The following DDHD2 variants were observed in gnomAD, a reference collection of about 807,000 sequenced individuals.
DDHD2 encodes the protein DDHD domain containing 2.
Under a neutral mutation model 91.2 loss-of-function variants are expected in DDHD2, and 62 were observed. The ratio of observed to expected loss-of-function variants is 0.68; its 90% confidence interval spans 0.55 to 0.84. The LOEUF (loss-of-function observed/expected upper bound fraction) is 0.84, where lower values mean the gene tolerates loss of function less well. DDHD2 is among the 40% of genes least tolerant of loss of function. The pLI is 0.00. For missense variants in DDHD2, 740 were observed against 846.9 expected (o/e 0.87, Z 1.57); for synonymous variants, 271 against 293.9 (o/e 0.92, Z 0.80).
rs1014506951 is a variant in DDHD2 at position 38,260,653 on chromosome 8, T to G, written c.*80T>G. On this transcript the variant is annotated 3_prime_UTR_variant, in exon 18 of 18. Coordinates refer to ENST00000397166, the MANE Select transcript of DDHD2 (RefSeq NM_015214.3). ...AATCCACCTGTTTGTTGCTGCAATT[T>G]TCCTCTCCTCAGCTGCGTCATTTCC... 4 of 153,416 alleles carry G rather than the reference T, an allele frequency of 2.6e-5. No homozygotes were observed. The highest frequency in any genetic ancestry group is 9.7e-5 in the African/African-American group (4 of 41,450). 9.5% of individuals were successfully genotyped at this position (153,416 alleles called of 1,614,324 possible). A position where few individuals can be genotyped will look rare whatever the true frequency, so the allele number is the denominator to read the frequency against.
At chr8:38,263,665 G>A (rs1035554048), downstream of DDHD2, 13 of 985,370 alleles carry the variant, frequency 1.3e-5, no homozygotes, top group African/African-American at 2.3e-4. Context: ...TTTAAGGCTT[G>A]ATGGAATTGT....
At chr8:38,247,972 G>T (rs1805777318) in intron 10 of DDHD2, 137 bp downstream of exon 10, 1 of 689,074 alleles carries the variant, frequency 1.5e-6, no homozygotes, top group African/African-American at 1.9e-5. Flanking sequence ...TTATTTATTT[G>T]CTTTTTATCA....
In DDHD2 at chr8:38,240,261, A is replaced by T; in HGVS notation, c.623-14A>T. 1.3e-6 allele frequency: 2 copies of T among 1,547,886 alleles called. No homozygotes were observed. The highest frequency in any genetic ancestry group is 8.9e-7 in the Non-Finnish European group (1 of 1,124,146). The stretch of plus-strand genomic sequence containing the variant: ...AATTATACAGAATAATTTTCTTTTT[A>T]ATTTCATTTATAGGAGAACCTTTAC... On this transcript the variant is annotated splice_polypyrimidine_tract_variant and intron_variant, in intron 5 of 17. Coordinates refer to ENST00000397166, the MANE Select transcript of DDHD2 (RefSeq NM_015214.3).
At chr8:38,272,718 A>G (rs1203965907), downstream of DDHD2, 1 of 152,250 alleles carries the variant, frequency 6.6e-6, no homozygotes, top group Non-Finnish European at 1.5e-5. Context: ...ATTGTTGGAC[A>G]AGAATAAAAA....
intron 3 of DDHD2, 84 bp from the exon 4 acceptor site, chr8:38,237,454 A>G: frequency 1.5e-6 from 1 of 658,670 alleles, no homozygotes; most frequent in South Asian, 1.7e-5. Flanking sequence ...ATTGAAACTC[A>G]TTAATACATA....
At chr8:38,270,443 A>C (rs1467164071) in intron 1 of DDHD2, 1 of 152,244 alleles carries the variant, frequency 6.6e-6, no homozygotes, top group Non-Finnish European at 1.5e-5. Context: ...CCTTGTATAT[A>C]AAAAATGATA....
At chr8:38,270,864 A>C (rs1029291956) in intron 1 of DDHD2, 1 of 152,262 alleles carries the variant, frequency 6.6e-6, no homozygotes, top group African/African-American at 2.4e-5. Context: ...CGCTTCATAC[A>C]TACGTGCCAC....
At chr8:38,234,294 C>T (rs911185803) in intron 2 of DDHD2, 100 bp from the exon 3 acceptor site, 5 of 857,756 alleles carry the variant, frequency 5.8e-6, no homozygotes, top group African/African-American at 1.8e-5. Context: ...ACTTTTCATT[C>T]ATGTGTTTCA....
chr8:38,234,994 A>AT lies in DDHD2; in HGVS notation c.411+418dup, dbSNP rs553707608. On this transcript the variant is annotated intron_variant, in intron 3 of 17. Coordinates refer to ENST00000397166, the MANE Select transcript of DDHD2 (RefSeq NM_015214.3). The stretch of plus-strand genomic sequence containing the variant: ...AAAAGAACAAAACTGTTTGGGTAGT[A>AT]TTTTTTTTCATGTTTCATTAAAATC... Among the ~76,000 whole-genome samples the AT allele has an allele frequency of 4.3e-3, 646 of 151,608 alleles. 2 individuals carry two copies. The highest frequency in any genetic ancestry group is 0.014 in the African/African-American group (562 of 41,288).
downstream of DDHD2, chr8:38,272,321 A>G (rs1808501310): frequency 6.6e-6 from 1 of 152,052 alleles, no homozygotes; most frequent in Non-Finnish European, 1.5e-5. Context: ...TTTGAGAATT[A>G]AGATAAGAGT....
chr8:38,267,093 T>C, downstream of DDHD2: 1 of 1,461,890 alleles, frequency 6.8e-7, no homozygotes, highest in South Asian at 1.5e-5. Flanking sequence ...TTCTGTAATA[T>C]TTACCCAAAT....
chr8:38,253,418 G>A, intron 15 of DDHD2, 138 bp from the exon 16 acceptor site: 2 of 827,118 alleles, frequency 2.4e-6, no homozygotes, highest in South Asian at 3.7e-5. Flanking sequence ...AGGAGATTGA[G>A]AGGAGGAAGA....
chr8:38,268,377 AG>A, intron 1 of DDHD2: 1 of 1,566,932 alleles, frequency 6.4e-7, no homozygotes, highest in Non-Finnish European at 8.7e-7. Flanking sequence ...TCACCCAGGC[AG>A]GCTTGTCTGC....
intron 7 of DDHD2, among the ~76,000 whole-genome samples, chr8:38,243,661 C>CT (rs943064240): frequency 1.1e-3 from 170 of 148,310 alleles, no homozygotes; most frequent in African/African-American, 3.7e-3. Context: ...CAGTTTGTAT[C>CT]TTTTTTTTTT....
At chr8:38,248,597 C>T (rs778224540) in intron 10 of DDHD2, among the ~76,000 whole-genome samples, 5 of 151,836 alleles carry the variant, frequency 3.3e-5, no homozygotes, top group Admixed American at 1.3e-4. Context: ...AAAAGTACAC[C>T]GTGTTGTAAG....
chr8:38,268,212 C>G, intron 1 of DDHD2: 2 of 1,067,040 alleles, frequency 1.9e-6, no homozygotes, highest in Non-Finnish European at 2.6e-6. Flanking sequence ...GCCTGCGTAA[C>G]CAAGTCCCTG....
Position 38,252,751 on chromosome 8 carries a change from A to G in DDHD2, c.1647A>G (p.Pro549=). 4 of 1,614,042 alleles carry G rather than the reference A, an allele frequency of 2.5e-6. No homozygotes were observed. The highest frequency in any genetic ancestry group is 2.7e-5 in the African/African-American group (2 of 75,054). ...ATCCTGTGGCCTATAGGATTGAACC[A>G]ATGGTGGTCCCAGGAGTGGAATTTG... The part of the protein sequence containing the change: ...PFDPVAYRIE[P]MVVPGVEFEP... Residue 549 remains proline (P), a synonymous_variant, in exon 14 of 18, where the codon CCA becomes CCG. Coordinates refer to ENST00000397166, the MANE Select transcript of DDHD2 (RefSeq NM_015214.3).
At chr8:38,255,282 C>A in intron 16 of DDHD2, 1 of 439,708 alleles carries the variant, frequency 2.3e-6, no homozygotes. Flanking sequence ...CTGATGCAAT[C>A]ACTATCGTTT....
At chr8:38,272,376 C>T (rs1808503085), downstream of DDHD2, 1 of 152,228 alleles carries the variant, frequency 6.6e-6, no homozygotes, top group African/African-American at 2.4e-5. Context: ...CACCTCACTC[C>T]TGTATCTCTC....
Sources: allele counts gnomAD v4.1 joint callset (sites outside exome capture counted in the v4.1 genomes callset), GRCh38; gene constraint gnomAD v4.1.1; transcripts MANE v1.5; gene names NCBI Gene and HGNC (gene_info 2026-07-23, HGNC 2026-07-21).